ADK: variants seen among roughly 807,000 people sequenced by gnomAD.
The protein encoded by ADK is adenosine kinase, also known as N6,N6-dimethyladenosine kinase.
In ADK, 24 loss-of-function variants were observed where a neutral mutation model predicts 44.7. The observed-to-expected ratio is 0.54, with a 90% CI of 0.39 to 0.76. The LOEUF (loss-of-function observed/expected upper bound fraction) is 0.76, where lower values mean the gene tolerates loss of function less well. ADK is among the 30% of genes least tolerant of loss of function. ADK has a pLI of 0.00. For synonymous variants in ADK, 128 were observed against 142.6 expected (o/e 0.90, Z 0.73); for missense variants, 321 against 425.1 (o/e 0.76, Z 2.15).
intron 4 of ADK, among the ~76,000 whole-genome samples, chr10:74,318,015 T>C (rs993040175): frequency 3.3e-5 from 5 of 151,992 alleles, no homozygotes; most frequent in African/African-American, 1.2e-4. Flanking sequence ...CTCTTGACCT[T>C]GTGATCCACC....
intron 9 of ADK, among the ~76,000 whole-genome samples, chr10:74,663,248 A>AAAAT (rs1854818247): frequency 7.1e-6 from 1 of 140,864 alleles, no homozygotes; most frequent in African/African-American, 2.6e-5. Flanking sequence ...AAAAAAAAAT[A>AAAAT]ATATATATAT....
intron 7 of ADK, among the ~76,000 whole-genome samples, chr10:74,582,324 A>T (rs1225259649): frequency 6.6e-6 from 1 of 152,114 alleles, no homozygotes; most frequent in Non-Finnish European, 1.5e-5. Context: ...AAAAAAATAA[A>T]AAATAAAAAT....
chr10:74,706,809 A>G (rs929874089), intron 10 of ADK, among the ~76,000 whole-genome samples: 4 of 152,198 alleles, frequency 2.6e-5, no homozygotes, highest in Non-Finnish European at 5.9e-5. Flanking sequence ...TTAGTATTCC[A>G]ATGAATTAAT....
At chr10:74,595,623 G>T (rs953297371) in intron 8 of ADK, among the ~76,000 whole-genome samples, 1 of 151,030 alleles carries the variant, frequency 6.6e-6, no homozygotes, top group African/African-American at 2.4e-5. Context: ...TGATCCGCCC[G>T]CCTCCGTCTC....
At chr10:74,679,482 C>T (rs1200712921) in intron 10 of ADK, among the ~76,000 whole-genome samples, 1 of 151,976 alleles carries the variant, frequency 6.6e-6, no homozygotes, top group Non-Finnish European at 1.5e-5. Context: ...TCCCTAAAAT[C>T]TTTTGGGCAA....
At chr10:74,239,472 T>G (rs959745843) in intron 3 of ADK, among the ~76,000 whole-genome samples, 1 of 151,806 alleles carries the variant, frequency 6.6e-6, no homozygotes, top group Non-Finnish European at 1.5e-5. Flanking sequence ...CACTTTGGGG[T>G]GGTCGAAGCC....
chr10:74,600,332 T>C (rs1289494796), intron 8 of ADK, 47 bp from the exon 9 acceptor site: 3 of 1,252,122 alleles, frequency 2.4e-6, no homozygotes, highest in African/African-American at 3.0e-5. Flanking sequence ...TAAAGTTTTG[T>C]TTTATTTTAT....
intron 7 of ADK, among the ~76,000 whole-genome samples, chr10:74,534,848 C>T (rs181137924): frequency 2.8e-4 from 43 of 152,292 alleles, no homozygotes; most frequent in Middle Eastern, 3.4e-3. Flanking sequence ...CTCTGCTATA[C>T]CACCTTACTT....
chr10:74,654,137 C>A (rs1854389757), intron 9 of ADK, among the ~76,000 whole-genome samples: 1 of 152,212 alleles, frequency 6.6e-6, no homozygotes, highest in African/African-American at 2.4e-5. Flanking sequence ...ATAGCTGCTT[C>A]TTCAAAAATA....
intron 9 of ADK, among the ~76,000 whole-genome samples, chr10:74,666,890 A>C (rs919438809): frequency 1.4e-5 from 2 of 144,040 alleles, no homozygotes; most frequent in Non-Finnish European, 3.0e-5. Context: ...AAGTGCAGTG[A>C]CATGATCTCT....
At chr10:74,459,826 TA>T (rs927798042) in intron 6 of ADK, among the ~76,000 whole-genome samples, 4 of 152,012 alleles carry the variant, frequency 2.6e-5, no homozygotes, top group Admixed American at 6.5e-5. Flanking sequence ...AATAAGGCAT[TA>T]TTTTTTTTCC....
intron 3 of ADK, among the ~76,000 whole-genome samples, chr10:74,251,075 C>T (rs1326413860): frequency 1.3e-5 from 2 of 152,048 alleles, no homozygotes; most frequent in East Asian, 3.9e-4. Flanking sequence ...AGTGAGTGAT[C>T]CATATGGAGA....
At chr10:74,335,951 A>G (rs1841396058) in intron 4 of ADK, among the ~76,000 whole-genome samples, 1 of 152,088 alleles carries the variant, frequency 6.6e-6, no homozygotes. Flanking sequence ...TGATTTGCAA[A>G]TATTTTCTCC....
At chr10:74,648,427 C>A (rs746380006) in intron 9 of ADK, among the ~76,000 whole-genome samples, 1 of 152,138 alleles carries the variant, frequency 6.6e-6, no homozygotes, top group Non-Finnish European at 1.5e-5. Context: ...CACCTGTAAT[C>A]CCAGCACTTT....
At chr10:74,632,583 T>A (rs975611250) in intron 9 of ADK, among the ~76,000 whole-genome samples, 6 of 152,176 alleles carry the variant, frequency 3.9e-5, no homozygotes, top group African/African-American at 1.4e-4. Context: ...CGCATGGCCT[T>A]CTTCCCTGTG....
chr10:74,555,824 C>T (rs1029860377), intron 7 of ADK, among the ~76,000 whole-genome samples: 1 of 152,082 alleles, frequency 6.6e-6, no homozygotes, highest in Non-Finnish European at 1.5e-5. Context: ...AGAGATTTCC[C>T]CCCATGTAAT....
chr10:74,678,279 C>CTTATA, intron 10 of ADK, among the ~76,000 whole-genome samples: 1 of 152,076 alleles, frequency 6.6e-6, no homozygotes, highest in Non-Finnish European at 1.5e-5. Context: ...TGTTATACAT[C>CTTATA]CAGAGTCTTA....
chr10:74,700,032 T>C (rs1856357090), intron 10 of ADK, among the ~76,000 whole-genome samples: 1 of 152,198 alleles, frequency 6.6e-6, no homozygotes, highest in Non-Finnish European at 1.5e-5. Context: ...TTCTAGAATT[T>C]ATCCTGAAGA....
intron 1 of ADK, among the ~76,000 whole-genome samples, chr10:74,162,170 G>A (rs570173152): frequency 2.0e-4 from 31 of 151,752 alleles, no homozygotes; most frequent in African/African-American, 6.5e-4. Flanking sequence ...ACAGGTGCCC[G>A]CCACCACACC....
Sources: gnomAD v4.1 joint callset for allele counts (sites outside exome capture counted in the v4.1 genomes callset) on GRCh38, gnomAD v4.1.1 for gene constraint, MANE v1.5 for transcripts, NCBI Gene and HGNC (gene_info 2026-07-23, HGNC 2026-07-21) for gene names.